CPED1: variants seen among roughly 807,000 people sequenced by gnomAD.
CPED1 encodes cadherin like and PC-esterase domain containing 1.
In CPED1, 114 loss-of-function variants were observed where a neutral mutation model predicts 128.2. The observed-to-expected ratio is 0.89, with a 90% CI of 0.76 to 1.04. The LOEUF (loss-of-function observed/expected upper bound fraction) is 1.04. Ranked by LOEUF, CPED1 falls within the 50% of genes least tolerant of loss-of-function variation. CPED1 has a pLI of 0.00. For missense variants in CPED1, 1,211 were observed against 1,207.1 expected (o/e 1.00, Z -0.05); for synonymous variants, 462 against 426.7 (o/e 1.08, Z -1.02).
intron 3 of CPED1, among the ~76,000 whole-genome samples, chr7:121,023,714 T>A (rs767486492): frequency 3.8e-4 from 58 of 152,098 alleles, no homozygotes; most frequent in Non-Finnish European, 7.4e-5. Flanking sequence ...TAGTGCACAT[T>A]TATAGCAGAT....
rs1396153428 is a variant in CPED1, at chr7:121,244,187, T to C, written c.2174-15T>C. On this transcript the variant is annotated splice_polypyrimidine_tract_variant and intron_variant, in intron 17 of 22. Coordinates refer to ENST00000310396, the MANE Select transcript of CPED1 (RefSeq NM_024913.5). Reference sequence around the variant, plus strand: ...GCAGAAACAGAACCAAAGAAAGTTTTGCCATCTATTCCAGGCCAGTGGATT... The same window carrying C: ...GCAGAAACAGAACCAAAGAAAGTTTCGCCATCTATTCCAGGCCAGTGGATT... 1 of 1,613,998 alleles carries C rather than the reference T, an allele frequency of 6.2e-7. No individual in the cohort carries two copies. Among genetic ancestry groups the C allele is most frequent in the Non-Finnish European group, 8.5e-7 (1 of 1,180,006 alleles).
At chr7:121,088,549 C>A (rs1318702140) in intron 5 of CPED1, among the ~76,000 whole-genome samples, 1 of 151,194 alleles carries the variant, frequency 6.6e-6, no homozygotes, top group Admixed American at 6.6e-5. Context: ...ATTCCAGCTA[C>A]TCGGGAGGCT....
intron 5 of CPED1, among the ~76,000 whole-genome samples, chr7:121,069,809 A>G (rs1318195482): frequency 6.6e-6 from 1 of 152,210 alleles, no homozygotes; most frequent in Non-Finnish European, 1.5e-5. Flanking sequence ...AGTATAAAAC[A>G]AAACATAAGA....
chr7:121,222,054 G>C (rs903706700), intron 16 of CPED1, among the ~76,000 whole-genome samples: 2 of 152,094 alleles, frequency 1.3e-5, no homozygotes, highest in African/African-American at 4.8e-5. Context: ...GAATGGTATT[G>C]CCTAGGTTTT....
chr7:121,113,583 C>T (rs143714239), intron 7 of CPED1, among the ~76,000 whole-genome samples: 244 of 152,026 alleles, frequency 1.6e-3, no homozygotes, highest in African/African-American at 5.6e-3. Flanking sequence ...CTATAAACTG[C>T]CTTATTTGGC....
At chr7:121,008,952 T>C (rs1792093955) in intron 2 of CPED1, among the ~76,000 whole-genome samples, 1 of 152,158 alleles carries the variant, frequency 6.6e-6, no homozygotes, top group Non-Finnish European at 1.5e-5. Context: ...ACTGGGTGCT[T>C]TTCTTCAGTA....
chr7:121,017,739 T>C (rs1319793214), intron 3 of CPED1, among the ~76,000 whole-genome samples: 1 of 152,192 alleles, frequency 6.6e-6, no homozygotes, highest in Non-Finnish European at 1.5e-5. Flanking sequence ...ATCTCCTCTT[T>C]CCCTTGATGT....
At chr7:121,078,494 GAAAGAAAAAAAA>G (rs1563017174) in intron 5 of CPED1, among the ~76,000 whole-genome samples, 7 of 39,552 alleles carry the variant, frequency 1.8e-4, no homozygotes, top group African/African-American at 2.4e-4. Flanking sequence ...AAGAAAGAAA[GAAAGAAAAAAAA>G]AAAAAAAAAA....
intron 6 of CPED1, among the ~76,000 whole-genome samples, 185 bp from the exon 7 acceptor site, chr7:121,099,741 G>A (rs1410662449): frequency 6.6e-6 from 1 of 152,038 alleles, no homozygotes; most frequent in Non-Finnish European, 1.5e-5. Context: ...ACTCCTTCTC[G>A]CTGTACCTCT....
At chr7:121,162,472 C>T (rs1232302949) in intron 16 of CPED1, among the ~76,000 whole-genome samples, 1 of 152,152 alleles carries the variant, frequency 6.6e-6, no homozygotes, top group Non-Finnish European at 1.5e-5. Flanking sequence ...ATCCAATGCA[C>T]TCATACCATA....
At chr7:121,294,657 G>C (rs1792783919) in intron 22 of CPED1, among the ~76,000 whole-genome samples, 1 of 151,880 alleles carries the variant, frequency 6.6e-6, no homozygotes, top group Admixed American at 6.6e-5. Flanking sequence ...AGGTTGTTTT[G>C]ACCTAAGGGC....
intron 3 of CPED1, among the ~76,000 whole-genome samples, chr7:121,044,611 A>AC (rs1793140123): frequency 1.4e-5 from 2 of 141,044 alleles, no homozygotes; most frequent in South Asian, 2.3e-4. Context: ...TAATGTTTAG[A>AC]CCCCTCAAAG....
intron 22 of CPED1, among the ~76,000 whole-genome samples, chr7:121,291,390 C>T (rs1361803531): frequency 6.6e-6 from 1 of 152,152 alleles, no homozygotes; most frequent in African/African-American, 2.4e-5. Context: ...TTACTTTGGG[C>T]AATATGGCCA....
chr7:121,054,354 T>C (rs1330090365), intron 4 of CPED1, among the ~76,000 whole-genome samples: 2 of 152,196 alleles, frequency 1.3e-5, no homozygotes, highest in Admixed American at 1.3e-4. Context: ...AGTGAGAAAA[T>C]TGGATCTCAT....
intron 16 of CPED1, among the ~76,000 whole-genome samples, chr7:121,191,982 A>T (rs1250158096): frequency 6.6e-6 from 1 of 152,140 alleles, no homozygotes; most frequent in East Asian, 1.9e-4. Flanking sequence ...GGCCTTAAAA[A>T]TACATTGAAA....
intron 7 of CPED1, among the ~76,000 whole-genome samples, chr7:121,119,335 T>G (rs754861666): frequency 2.5e-4 from 38 of 150,966 alleles, no homozygotes; most frequent in Non-Finnish European, 3.7e-4. Flanking sequence ...GTTCAAGTGA[T>G]TCTCTTGCCT....
intron 7 of CPED1, among the ~76,000 whole-genome samples, chr7:121,115,051 G>A (rs1351038831): frequency 1.3e-5 from 2 of 152,118 alleles, no homozygotes; most frequent in Non-Finnish European, 2.9e-5. Flanking sequence ...GGGGACTTCT[G>A]TTCTTTATGA....
intron 16 of CPED1, among the ~76,000 whole-genome samples, chr7:121,186,878 C>G (rs1239897763): frequency 2.0e-5 from 3 of 152,276 alleles, no homozygotes; most frequent in Admixed American, 1.3e-4. Flanking sequence ...AAACATATAT[C>G]CATTGTGCTG....
intron 18 of CPED1, among the ~76,000 whole-genome samples, chr7:121,248,594 CAA>C (rs36015608): frequency 5.1e-5 from 6 of 118,430 alleles, no homozygotes; most frequent in African/African-American, 7.0e-5. Flanking sequence ...CCCTGTGAAA[CAA>C]AAAAAAAAAA....
Sources: gnomAD v4.1 joint callset for allele counts (sites outside exome capture counted in the v4.1 genomes callset) on GRCh38, gnomAD v4.1.1 for gene constraint, MANE v1.5 for transcripts, NCBI Gene and HGNC (gene_info 2026-07-23, HGNC 2026-07-21) for gene names.